ITGBL1: variants seen among roughly 807,000 people sequenced by gnomAD.
The protein encoded by ITGBL1 is integrin beta-like protein 1.
ITGBL1 carries 51 observed loss-of-function variants against 68.5 expected under a neutral mutation model. That is an observed-to-expected ratio of 0.74 (90% CI 0.59 to 0.94). ITGBL1 has a LOEUF of 0.94. ITGBL1 is among the 40% of genes least tolerant of loss of function. The pLI, the probability that ITGBL1 is intolerant of heterozygous loss-of-function variation, is 0.00. For synonymous variants in ITGBL1, 209 were observed against 227.3 expected (o/e 0.92, Z 0.72); for missense variants, 649 against 647.4 (o/e 1.00, Z -0.03).
At chr13:101,672,796 C>A (rs2033409924) in intron 7 of ITGBL1, among the ~76,000 whole-genome samples, 1 of 152,116 alleles carries the variant, frequency 6.6e-6, no homozygotes, top group Admixed American at 6.6e-5. Flanking sequence ...GCTCCTTAAC[C>A]CATTCCATGT....
intron 2 of ITGBL1, among the ~76,000 whole-genome samples, chr13:101,505,131 C>T (rs1045255555): frequency 6.6e-6 from 1 of 152,072 alleles, no homozygotes; most frequent in South Asian, 2.1e-4. Context: ...CCAACATTAA[C>T]AGTGAGTGCA....
chr13:101,548,654 A>G (rs2049868023), intron 2 of ITGBL1, among the ~76,000 whole-genome samples: 1 of 151,848 alleles, frequency 6.6e-6, no homozygotes, highest in Admixed American at 6.6e-5. Flanking sequence ...AATAAGTAAA[A>G]AATTGTCTTC....
intron 2 of ITGBL1, among the ~76,000 whole-genome samples, chr13:101,476,267 T>C (rs1387783615): frequency 6.6e-6 from 1 of 152,152 alleles, no homozygotes; most frequent in Admixed American, 6.5e-5. Flanking sequence ...AGTGTTGTCA[T>C]CAGTTTAAAA....
chr13:101,714,393 C>A (rs1410500810), intron 9 of ITGBL1, 45 bp from the exon 10 acceptor site: 1 of 1,082,702 alleles, frequency 9.2e-7, no homozygotes, highest in Admixed American at 1.7e-5. Flanking sequence ...AGATGGAAAC[C>A]TTTAGTTATA....
chr13:101,557,426 T>C (rs1210608454), intron 2 of ITGBL1, among the ~76,000 whole-genome samples: 2 of 152,202 alleles, frequency 1.3e-5, no homozygotes, highest in Admixed American at 1.3e-4. Flanking sequence ...TTTAACCAGA[T>C]TCCTTGTGCC....
chr13:101,589,233 A>T (rs2050610305), intron 6 of ITGBL1, among the ~76,000 whole-genome samples: 1 of 152,228 alleles, frequency 6.6e-6, no homozygotes, highest in Admixed American at 6.5e-5. Flanking sequence ...ATGGTAGGCT[A>T]GAATTATAGA....
chr13:101,712,897 A>G (rs2034540124), intron 9 of ITGBL1: 1 of 152,194 alleles, frequency 6.6e-6, no homozygotes. Context: ...CTGACCTGGG[A>G]GCAGCAGCTC....
intron 5 of ITGBL1, among the ~76,000 whole-genome samples, chr13:101,581,831 A>G (rs2050462616): frequency 6.6e-6 from 1 of 152,230 alleles, no homozygotes; most frequent in Non-Finnish European, 1.5e-5. Flanking sequence ...CAGATATAAA[A>G]AGTACATATT....
intron 7 of ITGBL1, among the ~76,000 whole-genome samples, chr13:101,631,437 C>A (rs1013064862): frequency 6.6e-6 from 1 of 151,128 alleles, no homozygotes; most frequent in African/African-American, 2.4e-5. Context: ...TCTCATAGTT[C>A]TTTAAATGAG....
chr13:101,505,322 A>C (rs899086628), intron 2 of ITGBL1, among the ~76,000 whole-genome samples: 12 of 152,082 alleles, frequency 7.9e-5, no homozygotes, highest in Non-Finnish European at 1.8e-4. Context: ...TATTTTATGA[A>C]CACTTCCTGA....
Position 101,706,827 on chromosome 13 carries a change from C to T in ITGBL1, c.1204C>T (p.Arg402Trp), listed in dbSNP as rs761611322. 1.4e-4 allele frequency: 229 copies of T among 1,613,976 alleles called. No homozygotes were observed. Among genetic ancestry groups the T allele is most frequent in the Non-Finnish European group, 1.6e-4 (194 of 1,180,024 alleles). The change falls in exon 9 of 11, where the codon CGG (arginine) becomes TGG (tryptophan). Residue 402 changes from arginine (R) to tryptophan (W), a missense_variant. Physicochemically the swap from Arg to Trp is moderately radical, Grantham distance 101 (BLOSUM62 -3). Transcript: ENST00000376180. ...GWFGKLCQHP[R>W]KCNMTEEQSK... Reference sequence around the variant, plus strand: ...GTTTGGAAAGCTCTGCCAACATCCGCGGAAGTGTAACATGACGGAAGAACA... The same window carrying T: ...GTTTGGAAAGCTCTGCCAACATCCGTGGAAGTGTAACATGACGGAAGAACA...
At chr13:101,655,665 C>A (rs1330354645) in intron 7 of ITGBL1, among the ~76,000 whole-genome samples, 1 of 152,218 alleles carries the variant, frequency 6.6e-6, no homozygotes, top group Non-Finnish European at 1.5e-5. Flanking sequence ...ATCCACTCTT[C>A]CTGCCAACAT....
intron 7 of ITGBL1, among the ~76,000 whole-genome samples, chr13:101,615,826 A>C (rs975685320): frequency 6.6e-6 from 1 of 152,082 alleles, no homozygotes; most frequent in Non-Finnish European, 1.5e-5. Context: ...AATAAATAAC[A>C]AAAGAGACCC....
rs558706498 is a variant in ITGBL1, at chr13:101,482,732, T to C, written c.316+28632T>C. Among the ~76,000 whole-genome samples, 8 of 152,124 alleles carry C rather than the reference T, an allele frequency of 5.3e-5. No homozygotes were observed. The East Asian group carries it at 1.3e-3, about 26-fold the overall frequency. ...GGTGTATCAGGTAGGATACACCTGA[T>C]TGTGACATTATTTGGGGTCCGTATA... On this transcript the variant is annotated intron_variant, in intron 2 of 10. Coordinates refer to ENST00000376180, the MANE Select transcript of ITGBL1 (RefSeq NM_004791.3).
intron 2 of ITGBL1, among the ~76,000 whole-genome samples, chr13:101,457,588 A>G (rs766545597): frequency 9.2e-5 from 14 of 152,144 alleles, no homozygotes; most frequent in Admixed American, 5.2e-4. Flanking sequence ...GAGTGTTCCT[A>G]TGGATGTGAT....
intron 7 of ITGBL1, among the ~76,000 whole-genome samples, chr13:101,637,223 A>G (rs934495680): frequency 2.6e-5 from 4 of 152,146 alleles, no homozygotes; most frequent in Non-Finnish European, 5.9e-5. Flanking sequence ...ACCTCAATTC[A>G]ATGTTTGTTA....
intron 7 of ITGBL1, among the ~76,000 whole-genome samples, chr13:101,664,317 A>G (rs561496981): frequency 7.2e-5 from 11 of 152,316 alleles, no homozygotes; most frequent in African/African-American, 2.6e-4. Flanking sequence ...ATTTACATTG[A>G]CATAATATAT....
chr13:101,602,103 T>G (rs1260714202), intron 7 of ITGBL1, among the ~76,000 whole-genome samples: 2 of 152,052 alleles, frequency 1.3e-5, no homozygotes, highest in Admixed American at 6.6e-5. Flanking sequence ...TTCAGTTCAG[T>G]TCAGTTCAAT....
intron 7 of ITGBL1, among the ~76,000 whole-genome samples, chr13:101,615,755 A>G (rs2139376161): frequency 6.6e-6 from 1 of 152,230 alleles, no homozygotes; most frequent in Non-Finnish European, 1.5e-5. Context: ...CACCACTGCA[A>G]TTCAGCCGGG....
Sources: gnomAD v4.1 joint callset for allele counts (sites outside exome capture counted in the v4.1 genomes callset) on GRCh38, gnomAD v4.1.1 for gene constraint, MANE v1.5 for transcripts, NCBI Gene and HGNC (gene_info 2026-07-23, HGNC 2026-07-21) for gene names.